SPINK5: variants seen among roughly 807,000 people sequenced by gnomAD.
SPINK5 encodes serine peptidase inhibitor Kazal type 5.
Under a neutral mutation model 151.8 loss-of-function variants are expected in SPINK5, and 125 were observed. The ratio of observed to expected loss-of-function variants is 0.82; its 90% CI spans 0.71 to 0.96. SPINK5 has a LOEUF of 0.96. SPINK5 is among the 40% of genes least tolerant of loss of function. The pLI is 0.00. For missense variants in SPINK5, 1,194 were observed against 1,291.9 expected (o/e 0.92, Z 1.16); for synonymous variants, 374 against 395.3 (o/e 0.95, Z 0.64).
intron 19 of SPINK5, 36 bp downstream of exon 19, chr5:148,111,931 G>A (rs1322853340): frequency 6.2e-7 from 1 of 1,613,604 alleles, no homozygotes; most frequent in Non-Finnish European, 8.5e-7. Context: ...TACTGAGTGT[G>A]GGAGAAGATC....
At chr5:148,089,219 G>A (rs1438288592) in intron 6 of SPINK5, 9 of 532,078 alleles carry the variant, frequency 1.7e-5, no homozygotes, top group Non-Finnish European at 2.9e-5. Flanking sequence ...TCACCTAGGA[G>A]ATTGGGAGCA....
intron 15 of SPINK5, among the ~76,000 whole-genome samples, 197 bp from the exon 16 acceptor site, chr5:148,104,755 G>A (rs1228880494): frequency 1.3e-5 from 2 of 152,104 alleles, no homozygotes; most frequent in African/African-American, 4.8e-5. Flanking sequence ...ACTTAGCCGA[G>A]TGTGGTGGCA....
chr5:148,123,909 G>A lies in SPINK5; in HGVS notation c.2615G>A (p.Gly872Asp), dbSNP rs754669860. ...ACCAGAGAAAATAACCCTGTTCGAG[G>A]CCCATATGGCAAGATGCACATCAAT... ...ICTRENNPVR[G>D]PYGKMHINKC... The change falls in exon 27 of 33, where the codon GGC becomes GAC. Residue 872 changes from glycine to aspartate, a missense_variant. Physicochemically the swap from Gly to Asp is moderately conservative, Grantham distance 94. Transcript: ENST00000256084. The A allele has an allele frequency of 6.2e-7, 1 of 1,613,808 alleles. No individual in the cohort carries two copies. The highest frequency in any genetic ancestry group is 1.7e-5 in the Admixed American group (1 of 59,982).
intron 4 of SPINK5, among the ~76,000 whole-genome samples, chr5:148,077,237 T>C (rs1168650319): frequency 1.4e-5 from 2 of 144,742 alleles, no homozygotes; most frequent in African/African-American, 5.0e-5. Context: ...AAGAGAAAAA[T>C]GACACATCCT....
rs780799549 is a variant in SPINK5, at chr5:148,072,197, C to G, written c.259C>G (p.Pro87Ala). 3.7e-6 allele frequency: 6 copies of G among 1,612,264 alleles called. No homozygotes were observed. Among genetic ancestry groups the G allele is most frequent in the Non-Finnish European group, 5.1e-6 (6 of 1,178,722 alleles). ...QKRARHLARA[P>A]KATAPTELNC... ...GAGGGCCAGGCATTTAGCAAGAGCT[C>G]CCAAGGCTACTGCCCCAACAGAGGT... Residue 87 changes from proline to alanine, a missense_variant, in exon 4 of 33, where the codon CCC becomes GCC. Pro to Ala is a conservative substitution (Grantham distance 27). Transcript: ENST00000256084.
chr5:148,078,303 A>G (rs1380385182), intron 4 of SPINK5, among the ~76,000 whole-genome samples: 1 of 151,178 alleles, frequency 6.6e-6, no homozygotes, highest in Non-Finnish European at 1.5e-5. Flanking sequence ...AAATGCTATA[A>G]TTAAAAGAAA....
intron 11 of SPINK5, 123 bp downstream of exon 11, chr5:148,098,117 C>A: frequency 1.1e-6 from 1 of 938,838 alleles, no homozygotes; most frequent in Non-Finnish European, 1.6e-6. Flanking sequence ...GAAAACATTA[C>A]ATGGAAAATA....
Position 148,112,949 on chromosome 5 carries a change from T to A in SPINK5, c.1887+15T>A. On this transcript the variant is annotated intron_variant, in intron 20 of 32. Coordinates refer to ENST00000256084, the MANE Select transcript of SPINK5 (RefSeq NM_006846.4). ...AAGCTGAAAAGGTAGTAATCCTGAA[T>A]GTTTATACTGCAATGAAAGGATGAG... The A allele has an allele frequency of 1.2e-6, 2 of 1,613,444 alleles. No homozygotes were observed. Among genetic ancestry groups the A allele is most frequent in the Middle Eastern group, 1.7e-4 (1 of 6,060 alleles).
At chr5:148,108,958 G>A in intron 18 of SPINK5, 121 bp downstream of exon 18, 1 of 1,532,760 alleles carries the variant, frequency 6.5e-7, no homozygotes, top group East Asian at 2.3e-5. Context: ...GGGAAAATGT[G>A]TTTGGATCCC....
chr5:148,114,380 C>T lies in SPINK5; in HGVS notation c.1906C>T (p.Arg636Trp), dbSNP rs376918928. Residue 636 changes from arginine (R) to tryptophan (W), a missense_variant, in exon 21 of 33, where the codon CGG becomes TGG. Transcript: ENST00000256084. ...CTTTTAGGAGACATGCGATGAATTT[C>T]GGAGACTTTTGCAAAATGGAAAACT... ...EAEKETCDEF[R>W]RLLQNGKLFC... 3.2e-5 allele frequency: 51 copies of T among 1,611,402 alleles called. No individual in the cohort carries two copies. Among genetic ancestry groups the T allele is most frequent in the African/African-American group, 1.9e-4 (14 of 74,662 alleles).
intron 11 of SPINK5, 120 bp downstream of exon 11, chr5:148,098,114 T>C (rs1753521618): frequency 2.1e-6 from 2 of 965,760 alleles, no homozygotes; most frequent in Non-Finnish European, 3.2e-6. Context: ...GTTGAAAACA[T>C]TACATGGAAA....
At chr5:148,122,596 A>T (rs1754298940) in intron 26 of SPINK5, among the ~76,000 whole-genome samples, 1 of 152,128 alleles carries the variant, frequency 6.6e-6, no homozygotes, top group South Asian at 2.1e-4. Flanking sequence ...TTTTATGATC[A>T]TTATGTTTCA....
chr5:148,085,391 A>T (rs979062870), intron 4 of SPINK5, among the ~76,000 whole-genome samples: 1 of 151,998 alleles, frequency 6.6e-6, no homozygotes. Context: ...AAGAAAAATT[A>T]TCCAGTTTTA....
intron 2 of SPINK5, 171 bp downstream of exon 2, chr5:148,065,543 TCTCACACACA>T (rs1752559320): frequency 3.6e-6 from 2 of 557,696 alleles, no homozygotes; most frequent in African/African-American, 8.8e-5. Context: ...TGAGCCTCTC[TCTCACACACA>T]CACACACACA....
intron 5 of SPINK5, 101 bp downstream of exon 5, chr5:148,086,633 T>G: frequency 5.4e-6 from 8 of 1,475,938 alleles, no homozygotes; most frequent in Non-Finnish European, 7.3e-6. Flanking sequence ...ATTCATTATG[T>G]GGGAGTTAGC....
rs140626149 is a variant in SPINK5 at position 148,134,678 on chromosome 5, G to A, written c.3186+791G>A. Among the ~76,000 whole-genome samples, 397 of 152,050 alleles carry A rather than the reference G, an allele frequency of 2.6e-3. 1 individual carries two copies. The highest frequency in any genetic ancestry group is 9.2e-3 in the African/African-American group (380 of 41,472). ...AAAGTATGAATTTAGAAAAAGAGTC[G>A]AAAGTATGAACTTTTTCTAACAGAC... On this transcript the variant is annotated intron_variant, in intron 32 of 32. Transcript: ENST00000256084.
rs1198067851 is a variant in SPINK5, at chr5:148,119,024, C to T, written c.2279C>T (p.Ser760Phe). Residue 760 changes from serine to phenylalanine, a missense_variant, in exon 24 of 33, where the codon TCC becomes TTC. Ser to Phe is a radical substitution (Grantham distance 155, BLOSUM62 -2). Transcript: ENST00000256084. ...GAGAGAAAAAATGAGTATTCTCGCT[C>T]CAGATCAAATGGGACTGGATCAGAA... Reference protein sequence around the residue: ...EAERKNEYSRSRSNGTGSESG... With the variant: ...EAERKNEYSRFRSNGTGSESG... The T allele has an allele frequency of 1.9e-6, 3 of 1,613,912 alleles. No individual in the cohort carries two copies. Among genetic ancestry groups the T allele is most frequent in the South Asian group, 1.1e-5 (1 of 91,062 alleles).
intron 18 of SPINK5, among the ~76,000 whole-genome samples, chr5:148,109,367 T>C (rs1392920816): frequency 6.6e-6 from 1 of 152,120 alleles, no homozygotes; most frequent in Non-Finnish European, 1.5e-5. Context: ...TTATGACTGA[T>C]ATTTGTAGTA....
intron 5 of SPINK5, 63 bp from the exon 6 acceptor site, chr5:148,088,479 A>T: frequency 7.1e-7 from 1 of 1,406,894 alleles, no homozygotes; most frequent in Non-Finnish European, 1.0e-6. Context: ...TAGAGCAGTT[A>T]GGTTTGAATG....
Sources: allele counts gnomAD v4.1 joint callset (sites outside exome capture counted in the v4.1 genomes callset), GRCh38; gene constraint gnomAD v4.1.1; transcripts MANE v1.5; gene names NCBI Gene and HGNC (gene_info 2026-07-23, HGNC 2026-07-21).